The following SHTN1 variants were observed in gnomAD, a reference collection of about 807,000 sequenced individuals.
The protein encoded by SHTN1 is shootin 1.
SHTN1 carries 42 observed loss-of-function variants against 83.1 expected under a neutral mutation model. That is an observed-to-expected ratio of 0.51 (90% CI 0.39 to 0.65). SHTN1 has a LOEUF of 0.65. SHTN1 is among the 30% of genes least tolerant of loss of function. The pLI is 0.00. For missense variants in SHTN1, 622 were observed against 737.8 expected, an observed-to-expected ratio of 0.84 and a Z score of 1.82; for synonymous variants, 224 against 247.7, an observed-to-expected ratio of 0.90 and a Z score of 0.90.
chr10:116,901,013 T>C (rs969988775), intron 16 of SHTN1: 6 of 985,328 alleles, frequency 6.1e-6, no homozygotes, highest in Admixed American at 6.1e-5. Flanking sequence ...TCTTTCTCTC[T>C]TGATAGGACA....
chr10:117,081,871 C>T (rs939393972), intron 1 of SHTN1, among the ~76,000 whole-genome samples: 5 of 151,898 alleles, frequency 3.3e-5, no homozygotes, highest in Non-Finnish European at 7.4e-5. Context: ...TCTGTGGGAT[C>T]GGTGGTGACA....
At chr10:116,990,283 CTTTCTTTTTT>C (rs1851377173) in intron 1 of SHTN1, among the ~76,000 whole-genome samples, 2 of 56,336 alleles carry the variant, frequency 3.6e-5, no homozygotes, top group South Asian at 7.8e-4. Context: ...TTTCTTTTTT[CTTTCTTTTTT>C]TTTTTTTTTT....
In SHTN1 at chr10:117,061,714, G is replaced by A. The variant is rs60266528; in HGVS notation, c.-188-13204C>T. On this transcript the variant is annotated intron_variant, in intron 1 of 17. Transcript: ENST00000392901. Reference sequence around the variant, plus strand: ...TCAAACTCCCGACCTCAGGTGATCCGCCTGCCTTGGCCTCCCAAAGTGCTG... The same window carrying A: ...TCAAACTCCCGACCTCAGGTGATCCACCTGCCTTGGCCTCCCAAAGTGCTG... Among the ~76,000 whole-genome samples the A allele has an allele frequency of 6.6e-5, 10 of 152,012 alleles. No individual in the cohort carries two copies. The East Asian group carries it at 1.4e-3, about 21-fold the overall frequency.
intron 2 of SHTN1, among the ~76,000 whole-genome samples, chr10:117,027,691 G>A (rs539050363): frequency 2.0e-5 from 3 of 152,148 alleles, no homozygotes; most frequent in East Asian, 3.9e-4. Flanking sequence ...GAAGAGACGG[G>A]GTTTCACCAT....
At chr10:117,060,566 A>G (rs949340228) in intron 1 of SHTN1, among the ~76,000 whole-genome samples, 1 of 152,224 alleles carries the variant, frequency 6.6e-6, no homozygotes, top group Non-Finnish European at 1.5e-5. Flanking sequence ...TAATAAACAG[A>G]GCAACTAAAA....
At chr10:116,914,517 G>T (rs1848312669) in intron 13 of SHTN1, among the ~76,000 whole-genome samples, 1 of 151,030 alleles carries the variant, frequency 6.6e-6, no homozygotes, top group South Asian at 2.1e-4. Flanking sequence ...AATGTGTACT[G>T]AAGTCATAAC....
At chr10:117,004,834 C>A (rs1564927256) in intron 1 of SHTN1, among the ~76,000 whole-genome samples, 188 bp downstream of exon 1, 1 of 152,210 alleles carries the variant, frequency 6.6e-6, no homozygotes, top group African/African-American at 2.4e-5. Context: ...GCGTTATCCT[C>A]GGTCCAGAGC....
chr10:117,121,810 A>G (rs1853932407), intron 1 of SHTN1, among the ~76,000 whole-genome samples: 1 of 152,120 alleles, frequency 6.6e-6, no homozygotes, highest in East Asian at 1.9e-4. Flanking sequence ...AGGCTGGCAG[A>G]TCACGAGGTC....
intron 2 of SHTN1, among the ~76,000 whole-genome samples, chr10:117,040,751 CA>C (rs988647503): frequency 1.6e-4 from 24 of 152,210 alleles, no homozygotes; most frequent in African/African-American, 5.5e-4. Context: ...ATGGTCTGAA[CA>C]GTTTACTTCA....
At chr10:116,997,472 A>G (rs938080589) in intron 1 of SHTN1, among the ~76,000 whole-genome samples, 7 of 152,176 alleles carry the variant, frequency 4.6e-5, no homozygotes, top group Non-Finnish European at 7.3e-5. Flanking sequence ...CTTGACTATG[A>G]CAGTTTCTCA....
chr10:116,980,716 C>G (rs1038095012), intron 1 of SHTN1, among the ~76,000 whole-genome samples: 2 of 152,140 alleles, frequency 1.3e-5, no homozygotes, highest in African/African-American at 4.8e-5. Flanking sequence ...ATGATTCTAA[C>G]CACTAGGGCA....
chr10:117,075,718 AG>A (rs1853142159), intron 1 of SHTN1, among the ~76,000 whole-genome samples: 1 of 152,210 alleles, frequency 6.6e-6, no homozygotes, highest in South Asian at 2.1e-4. Flanking sequence ...AATAGAAATT[AG>A]TTAGAATGGG....
intron 11 of SHTN1, among the ~76,000 whole-genome samples, chr10:116,922,178 C>T (rs964537697): frequency 2.0e-5 from 3 of 151,932 alleles, no homozygotes; most frequent in Admixed American, 6.6e-5. Context: ...CCTTGCAACT[C>T]CAAAAAAGAT....
intron 1 of SHTN1, among the ~76,000 whole-genome samples, chr10:117,124,729 G>A (rs1332922369): frequency 3.9e-5 from 6 of 152,098 alleles, no homozygotes; most frequent in East Asian, 1.9e-4. Flanking sequence ...AGCTGAGATC[G>A]CACCACTGCA....
intron 1 of SHTN1, among the ~76,000 whole-genome samples, chr10:117,000,217 A>C (rs1589886064): frequency 6.6e-6 from 1 of 152,210 alleles, no homozygotes; most frequent in Non-Finnish European, 1.5e-5. Flanking sequence ...ATATGCACCC[A>C]AGATTGTCAA....
chr10:117,050,025 T>C (rs11197877), intron 1 of SHTN1, among the ~76,000 whole-genome samples: 94,475 of 151,918 alleles, frequency 0.62, 34,751 homozygotes, highest in Middle Eastern at 0.83. Context: ...TAAATGAAAC[T>C]GAAAACAATA....
chr10:117,065,836 GGAAGGAAGGAAGGAAGGAAA>G (rs1340984789), intron 1 of SHTN1, among the ~76,000 whole-genome samples: 15 of 70,260 alleles, frequency 2.1e-4, no homozygotes, highest in Non-Finnish European at 3.0e-4. Flanking sequence ...AAGGAAGGAA[GGAAGGAAGGAAGGAAGGAAA>G]GGAGGGAGGG....
In SHTN1 at chr10:117,084,091, G is replaced by A. The variant is rs1161981298; in HGVS notation, c.-188-35581C>T. On this transcript the variant is annotated intron_variant, in intron 1 of 17. Transcript: ENST00000392901. ...AGCTTTGTTCCGTTGCTGGTGAGGA[G>A]CTGCGTTCCTTTGGAGGAGGAGAGG... Among the ~76,000 whole-genome samples the A allele has an allele frequency of 9.2e-5, 14 of 152,266 alleles. 1 individual carries two copies. The East Asian group carries it at 1.2e-3, about 13-fold the overall frequency.
At chr10:117,047,857 T>A (rs1442564829) in intron 2 of SHTN1, among the ~76,000 whole-genome samples, 2 of 144,450 alleles carry the variant, frequency 1.4e-5, no homozygotes, top group East Asian at 2.0e-4. Context: ...CCTCAAATGA[T>A]CCACCCACCT....
Sources: allele counts gnomAD v4.1 joint callset (sites outside exome capture counted in the v4.1 genomes callset), GRCh38; gene constraint gnomAD v4.1.1; transcripts MANE v1.5; gene names NCBI Gene and HGNC (gene_info 2026-07-23, HGNC 2026-07-21).